The following KIAA1217 variants were observed in gnomAD, a reference collection of about 807,000 sequenced individuals.
KIAA1217 encodes KIAA1217, also known as sickle tail protein homolog.
In KIAA1217, 88 loss-of-function variants were observed where a neutral mutation model predicts 163.9. The ratio of observed to expected loss-of-function variants is 0.54; its 90% confidence interval spans 0.45 to 0.64. The LOEUF (loss-of-function observed/expected upper bound fraction) is 0.64. Ranked by LOEUF, KIAA1217 falls within the 30% of genes least tolerant of loss-of-function variation. The pLI is 0.00. For missense variants in KIAA1217, 2,372 were observed against 2,475.0 expected (o/e 0.96, Z 0.88); for synonymous variants, 903 against 923.1 (o/e 0.98, Z 0.39).
intron 3 of KIAA1217, among the ~76,000 whole-genome samples, chr10:24,388,386 T>C (rs2054327003): frequency 6.6e-6 from 1 of 152,204 alleles, no homozygotes; most frequent in Non-Finnish European, 1.5e-5. Flanking sequence ...ATCCCTTCCT[T>C]ACAGCTTATA....
intron 5 of KIAA1217, among the ~76,000 whole-genome samples, chr10:24,465,592 G>C (rs1391070924): frequency 6.6e-6 from 1 of 152,200 alleles, no homozygotes; most frequent in Non-Finnish European, 1.5e-5. Flanking sequence ...ATAGCTTTCG[G>C]TTCCACCCAG....
chr10:24,159,150 A>G (rs961844806), intron 2 of KIAA1217, among the ~76,000 whole-genome samples: 6 of 152,146 alleles, frequency 3.9e-5, no homozygotes, highest in Admixed American at 3.9e-4. Context: ...GACTATAGTT[A>G]TTTCTACCAA....
At chr10:24,098,600 T>C (rs1564698997) in intron 2 of KIAA1217, among the ~76,000 whole-genome samples, 1 of 151,974 alleles carries the variant, frequency 6.6e-6, no homozygotes, top group Admixed American at 6.5e-5. Flanking sequence ...ACTAGACAAA[T>C]TTCTCTGAGC....
chr10:23,818,918 G>A (rs1263181401), intron 1 of KIAA1217, among the ~76,000 whole-genome samples: 1 of 152,176 alleles, frequency 6.6e-6, no homozygotes, highest in African/African-American at 2.4e-5. Context: ...AAACAAAGAT[G>A]TGAGCTCATA....
At chr10:24,325,262 G>A (rs1334140031) in intron 2 of KIAA1217, among the ~76,000 whole-genome samples, 1 of 152,158 alleles carries the variant, frequency 6.6e-6, no homozygotes, top group African/African-American at 2.4e-5. Flanking sequence ...TTTCAGGTAT[G>A]GAACTCAGCT....
At chr10:24,159,105 T>C (rs1344786143) in intron 2 of KIAA1217, among the ~76,000 whole-genome samples, 1 of 152,214 alleles carries the variant, frequency 6.6e-6, no homozygotes, top group Non-Finnish European at 1.5e-5. Flanking sequence ...CTTCATAGTC[T>C]TCATGAGAAG....
At chr10:24,089,742 A>G (rs1273459508) in intron 2 of KIAA1217, among the ~76,000 whole-genome samples, 3 of 151,766 alleles carry the variant, frequency 2.0e-5, no homozygotes, top group Non-Finnish European at 4.4e-5. Flanking sequence ...CAAAGGATGT[A>G]AAGGACCCTT....
intron 2 of KIAA1217, among the ~76,000 whole-genome samples, chr10:24,296,923 T>C (rs1227095061): frequency 6.6e-6 from 1 of 152,224 alleles, no homozygotes; most frequent in African/African-American, 2.4e-5. Context: ...ACCAAGTACG[T>C]GGCAACTACA....
At chr10:24,390,471 G>GAGA (rs2054721060) in intron 3 of KIAA1217, among the ~76,000 whole-genome samples, 2 of 115,090 alleles carry the variant, frequency 1.7e-5, no homozygotes, top group East Asian at 3.1e-4. Context: ...GAGGGAGGGA[G>GAGA]GGAGGGAAGG....
intron 1 of KIAA1217, among the ~76,000 whole-genome samples, chr10:23,869,124 G>GTTGTTTTT (rs1840331777): frequency 3.2e-5 from 1 of 31,702 alleles, no homozygotes; most frequent in African/African-American, 1.2e-4. Context: ...ATGAAATGTA[G>GTTGTTTTT]TTTTTTTTTT....
chr10:24,384,671 G>A (rs1024128829), intron 3 of KIAA1217, among the ~76,000 whole-genome samples: 2 of 105,240 alleles, frequency 1.9e-5, no homozygotes, highest in Admixed American at 8.3e-5. Flanking sequence ...TGAGTAGCTG[G>A]GACGCAGGTG....
At chr10:24,016,444 C>A (rs982903375) in intron 2 of KIAA1217, among the ~76,000 whole-genome samples, 21 of 152,196 alleles carry the variant, frequency 1.4e-4, no homozygotes, top group African/African-American at 4.8e-4. Context: ...ACAGGAAAAT[C>A]TACCCTGCAG....
At chr10:24,097,012 A>G (rs1027895683) in intron 2 of KIAA1217, among the ~76,000 whole-genome samples, 1 of 152,198 alleles carries the variant, frequency 6.6e-6, no homozygotes, top group African/African-American at 2.4e-5. Context: ...AATACATTGT[A>G]TATAGGTAAC....
chr10:23,744,692 G>A (rs1409734340), intron 1 of KIAA1217, among the ~76,000 whole-genome samples: 3 of 152,176 alleles, frequency 2.0e-5, no homozygotes, highest in African/African-American at 7.2e-5. Flanking sequence ...CCGTGTTAGG[G>A]TTTTGCAGAG....
chr10:23,826,799 C>G (rs1047618345), intron 1 of KIAA1217, among the ~76,000 whole-genome samples: 5 of 152,154 alleles, frequency 3.3e-5, no homozygotes, highest in Non-Finnish European at 5.9e-5. Flanking sequence ...ATTCTGTAAA[C>G]TCCCCACATG....
At chr10:24,201,170 A>T (rs2067237778) in intron 2 of KIAA1217, among the ~76,000 whole-genome samples, 1 of 152,082 alleles carries the variant, frequency 6.6e-6, no homozygotes, top group Admixed American at 6.6e-5. Flanking sequence ...ACCACGGAGG[A>T]TGAGGCAGGA....
At position 24,544,223 on chromosome 10, in the gene KIAA1217, G is replaced by C. The variant is rs773124349; in HGVS notation, c.4953G>C (p.Pro1651=). The change falls in exon 19 of 21, where the codon CCG becomes CCC. Residue 1651 remains proline (P), a synonymous_variant. Transcript: ENST00000376454. ...AGCCCAGCATCGAGAGTACATCTCCGATTTCAAGAACTGATGAAATTAGAA... is the reference window on the plus strand; with the variant it reads ...AGCCCAGCATCGAGAGTACATCTCCCATTTCAAGAACTGATGAAATTAGAA... The part of the protein sequence containing the change: ...QEQPSIESTS[P]ISRTDEIRKN... 4 of 1,614,064 alleles carry C rather than the reference G, an allele frequency of 2.5e-6. No individual in the cohort carries two copies. The African/African-American group carries it at 4.0e-5, about 16-fold the overall frequency.
At chr10:24,187,180 T>C (rs931056621) in intron 2 of KIAA1217, among the ~76,000 whole-genome samples, 8 of 152,168 alleles carry the variant, frequency 5.3e-5, no homozygotes, top group African/African-American at 1.9e-4. Flanking sequence ...CATCTTTGAC[T>C]CAATTTTTCC....
chr10:24,399,719 A>G (rs766657050), intron 3 of KIAA1217, among the ~76,000 whole-genome samples: 1 of 152,210 alleles, frequency 6.6e-6, no homozygotes, highest in Non-Finnish European at 1.5e-5. Flanking sequence ...AAGAGTCCAA[A>G]AAATACAGAA....
Sources: allele counts gnomAD v4.1 joint callset (sites outside exome capture counted in the v4.1 genomes callset), GRCh38; gene constraint gnomAD v4.1.1; transcripts MANE v1.5; gene names NCBI Gene and HGNC (gene_info 2026-07-23, HGNC 2026-07-21).